Variants in TRAPPC9 observed in about 807,000 individuals in gnomAD.
TRAPPC9 encodes trafficking protein particle complex subunit 9.
Under a neutral mutation model 124.0 loss-of-function variants are expected in TRAPPC9, and 83 were observed. The ratio of observed to expected loss-of-function variants is 0.67; its 90% CI spans 0.56 to 0.80. TRAPPC9 has a LOEUF of 0.80. Among genes scored for constraint, TRAPPC9 ranks in the 30% least tolerant of loss-of-function variants. The probability of loss-of-function intolerance (pLI) is 0.00; values close to 1 mark genes in which losing one functional copy is unlikely to be tolerated. For missense variants in TRAPPC9, 1,302 were observed against 1,508.3 expected (o/e 0.86, Z 2.27); for synonymous variants, 638 against 617.5 (o/e 1.03, Z -0.49).
intron 17 of TRAPPC9, among the ~76,000 whole-genome samples, chr8:140,084,535 T>C (rs184353287): frequency 8.5e-5 from 13 of 152,330 alleles, no homozygotes; most frequent in Non-Finnish European, 1.3e-4. Context: ...GACCCAAGCC[T>C]ACCTTTCTAA....
chr8:139,834,220 T>G (rs1048514855), intron 21 of TRAPPC9, among the ~76,000 whole-genome samples: 1 of 152,198 alleles, frequency 6.6e-6, no homozygotes, highest in Non-Finnish European at 1.5e-5. Context: ...TAGTGCCACC[T>G]GCTAGGCTTG....
chr8:140,274,095 C>T (rs1042391975), intron 15 of TRAPPC9, among the ~76,000 whole-genome samples: 4 of 152,058 alleles, frequency 2.6e-5, no homozygotes, highest in South Asian at 2.1e-4. Flanking sequence ...GGGAGCAAGA[C>T]GAACACATCA....
At chr8:140,288,778 G>A (rs573679210) in intron 12 of TRAPPC9, among the ~76,000 whole-genome samples, 58 of 152,204 alleles carry the variant, frequency 3.8e-4, no homozygotes, top group Admixed American at 9.2e-4. Flanking sequence ...GATCAAAACC[G>A]TCAACTACAT....
At chr8:139,741,576 G>A (rs530734304) in intron 21 of TRAPPC9, among the ~76,000 whole-genome samples, 24 of 152,220 alleles carry the variant, frequency 1.6e-4, no homozygotes, top group Non-Finnish European at 3.1e-4. Flanking sequence ...TCAGTGGTTC[G>A]TAGTATATTC....
At chr8:139,786,964 C>T (rs1036842766) in intron 21 of TRAPPC9, among the ~76,000 whole-genome samples, 6 of 152,108 alleles carry the variant, frequency 3.9e-5, no homozygotes, top group Admixed American at 6.5e-5. Context: ...GTGGTGGTGA[C>T]GGTTTCACGG....
In TRAPPC9 at chr8:140,353,485, C is replaced by T. The variant is rs60797610; in HGVS notation, c.1495+6565G>A. On this transcript the variant is annotated intron_variant, in intron 9 of 22. Transcript: ENST00000438773. This position sits in a 1 kb window ranked among gnomAD's most constrained non-coding sequence, Gnocchi z 4.2. ...ACTCGCTCACCTGGGGCTTTTGATC[C>T]CAGTCCCTGAAACAGTTTACCTAAC... Among the ~76,000 whole-genome samples, 5,516 of 152,296 alleles carry T rather than the reference C, an allele frequency of 0.036. 210 individuals carry two copies. The highest frequency in any genetic ancestry group is 0.099 in the African/African-American group (4,108 of 41,532).
Position 139,910,244 on chromosome 8 carries a change from T to C in TRAPPC9, c.2867A>G (p.Glu956Gly), listed in dbSNP as rs1188274277. 6.2e-7 allele frequency: 1 copy of C among 1,614,078 alleles called. No individual in the cohort carries two copies. Among genetic ancestry groups the C allele is most frequent in the Non-Finnish European group, 8.5e-7 (1 of 1,180,006 alleles). The change falls in exon 20 of 23, where the codon GAG (glutamate) becomes GGG (glycine). Residue 956 changes from glutamate to glycine, a missense_variant. By Grantham distance (98) the Glu-to-Gly change is moderately conservative (BLOSUM62 -2). Transcript: ENST00000438773. ...CTTGGGGTTTGCAAATTGCCCCTTC[T>C]CCCCAGGGGACTCCGGGAAACTCTC... ...NFESFPESPG[E>G]KGQFANPKQL... is the part of the protein sequence containing the mutation.
At chr8:139,826,506 C>T (rs1458527730) in intron 21 of TRAPPC9, among the ~76,000 whole-genome samples, 1 of 152,138 alleles carries the variant, frequency 6.6e-6, no homozygotes, top group Non-Finnish European at 1.5e-5. Context: ...CTGTGAGTGG[C>T]ACCAAATAAA....
At chr8:140,162,854 T>C (rs1049617558) in intron 17 of TRAPPC9, among the ~76,000 whole-genome samples, 2 of 152,050 alleles carry the variant, frequency 1.3e-5, no homozygotes, top group African/African-American at 4.8e-5. Context: ...TAGCCAGGCA[T>C]GGTGGCACAC....
chr8:140,368,223 G>A (rs1023476780), intron 8 of TRAPPC9, among the ~76,000 whole-genome samples: 1 of 152,172 alleles, frequency 6.6e-6, no homozygotes, highest in African/African-American at 2.4e-5. Context: ...CTGAGTGCAA[G>A]AGGTCAAGAG....
chr8:140,176,355 C>T (rs1010155897), intron 17 of TRAPPC9, among the ~76,000 whole-genome samples: 2 of 152,198 alleles, frequency 1.3e-5, no homozygotes, highest in East Asian at 3.8e-4. Context: ...CAACGAGTGA[C>T]CTGCCTCCTG....
At chr8:140,389,532 T>A (rs1006859968) in intron 7 of TRAPPC9, among the ~76,000 whole-genome samples, 27 of 152,166 alleles carry the variant, frequency 1.8e-4, no homozygotes, top group African/African-American at 6.5e-4. Context: ...CTCCACTTCA[T>A]GCATCCAACA....
At chr8:140,331,730 G>C (rs1294007129) in intron 9 of TRAPPC9, among the ~76,000 whole-genome samples, 3 of 152,072 alleles carry the variant, frequency 2.0e-5, no homozygotes, top group Non-Finnish European at 4.4e-5. Flanking sequence ...ATGAAACAAT[G>C]CTCATCACTA....
chr8:140,275,250 C>A (rs2065075911), intron 15 of TRAPPC9, among the ~76,000 whole-genome samples: 1 of 152,198 alleles, frequency 6.6e-6, no homozygotes. Context: ...TCCCCTGACC[C>A]CAAACTACAC....
At chr8:139,902,692 G>C (rs1348710559) in intron 20 of TRAPPC9, among the ~76,000 whole-genome samples, 2 of 152,172 alleles carry the variant, frequency 1.3e-5, no homozygotes, top group Non-Finnish European at 2.9e-5. Context: ...CAGGAGATAA[G>C]ACAGAGCTCC....
At position 139,854,294 on chromosome 8, in the gene TRAPPC9, AG is replaced by A. The variant is rs572898897; in HGVS notation, c.3055+31584del. Among the ~76,000 whole-genome samples the A allele has an allele frequency of 4.5e-3, 679 of 152,366 alleles. 3 individuals carry two copies. The highest frequency in any genetic ancestry group is 6.8e-3 in the Non-Finnish European group (463 of 68,036). ...TCACTTTCTTTGAGTCAGAATCGATAGGGGTGGCTGGTTCCCTGGAGCCTCA... is the reference window on the plus strand; with the variant it reads ...TCACTTTCTTTGAGTCAGAATCGATAGGGTGGCTGGTTCCCTGGAGCCTCA... On this transcript the variant is annotated intron_variant, in intron 21 of 22. Transcript: ENST00000438773.
chr8:140,246,820 C>T (rs1240185713), intron 16 of TRAPPC9, among the ~76,000 whole-genome samples: 2 of 151,968 alleles, frequency 1.3e-5, no homozygotes, highest in African/African-American at 2.4e-5. Context: ...CCCCGTCTCT[C>T]CTAAAAATAC....
chr8:140,303,321 G>A (rs1163752117), intron 10 of TRAPPC9, among the ~76,000 whole-genome samples: 1 of 152,086 alleles, frequency 6.6e-6, no homozygotes, highest in East Asian at 1.9e-4. Flanking sequence ...CCAAATTAAA[G>A]ACTCACTGGT....
At chr8:140,300,230 T>TATGC (rs2065928288) in intron 11 of TRAPPC9, among the ~76,000 whole-genome samples, 1 of 150,926 alleles carries the variant, frequency 6.6e-6, no homozygotes, top group African/African-American at 2.5e-5. Flanking sequence ...TAAACACACA[T>TATGC]ATGCATGCAC....
Sources: gnomAD v4.1 joint callset for allele counts (sites outside exome capture counted in the v4.1 genomes callset) on GRCh38, gnomAD v4.1.1 for gene constraint, Gnocchi (gnomAD v3.1) non-coding constraint, MANE v1.5 for transcripts, NCBI Gene and HGNC (gene_info 2026-07-23, HGNC 2026-07-21) for gene names.